ZNF618: variants seen among roughly 807,000 people sequenced by gnomAD.
ZNF618 encodes the protein neural precursor cell expressed, developmentally down-regulated 10.
A neutral mutation model predicts 103.0 loss-of-function variants in ZNF618; 34 were observed. The ratio of observed to expected loss-of-function variants is 0.33; its 90% CI spans 0.25 to 0.44. ZNF618 has a LOEUF of 0.44. Among genes scored for constraint, ZNF618 ranks in the 20% least tolerant of loss-of-function variants. The probability of loss-of-function intolerance (pLI) is 1.00; values close to 1 mark genes in which losing one functional copy is unlikely to be tolerated. For synonymous variants in ZNF618, 551 were observed against 542.2 expected, an observed-to-expected ratio of 1.02 and a Z score of -0.23; for missense variants, 1,059 against 1,295.4, an observed-to-expected ratio of 0.82 and a Z score of 2.80.
chr9:113,910,974 G>A (rs1588015328), intron 1 of ZNF618, among the ~76,000 whole-genome samples: 1 of 152,034 alleles, frequency 6.6e-6, no homozygotes, highest in Admixed American at 6.5e-5. Flanking sequence ...GGGATTACAG[G>A]TGCCTGCCAC....
rs897979044 is a variant in ZNF618 at position 113,876,328 on chromosome 9, C to T, written c.-53C>T. ...GGCGGCATTGTGCGCGCACCAGCAG[C>T]CCGGCCCGGGAGGAGCAGGACGCGC... On this transcript the variant is annotated 5_prime_UTR_variant, in exon 1 of 15. Transcript: ENST00000374126. 1 of 1,143,090 alleles carries T rather than the reference C, an allele frequency of 8.7e-7. No individual in the cohort carries two copies. The highest frequency in any genetic ancestry group is 1.7e-5 in the African/African-American group (1 of 60,430). 70.8% of individuals were successfully genotyped at this position (1,143,090 alleles called of 1,614,324 possible).
At chr9:113,966,563 C>T (rs1201968138) in intron 1 of ZNF618, among the ~76,000 whole-genome samples, 3 of 152,194 alleles carry the variant, frequency 2.0e-5, no homozygotes, top group Non-Finnish European at 4.4e-5. Flanking sequence ...ACCGGCCTGG[C>T]GTGTATGGAA....
At chr9:113,889,216 T>G (rs1829365051) in intron 1 of ZNF618, among the ~76,000 whole-genome samples, 1 of 152,158 alleles carries the variant, frequency 6.6e-6, no homozygotes, top group Non-Finnish European at 1.5e-5. Context: ...ATATGGTGGC[T>G]GAGGCAGAGT....
chr9:114,014,701 C>T (rs765893994), intron 9 of ZNF618, among the ~76,000 whole-genome samples: 82 of 152,284 alleles, frequency 5.4e-4, no homozygotes, highest in Non-Finnish European at 1.0e-3. Context: ...TTACAGCAAG[C>T]TTTCCCACAC....
At chr9:113,985,003 A>G (rs1044512396) in intron 2 of ZNF618, among the ~76,000 whole-genome samples, 12 of 152,172 alleles carry the variant, frequency 7.9e-5, no homozygotes, top group Non-Finnish European at 1.8e-4. Context: ...ATAAACTTGC[A>G]TCTTCTGCAC....
chr9:113,951,478 T>C (rs1358870151), intron 1 of ZNF618, among the ~76,000 whole-genome samples: 1 of 36,136 alleles, frequency 2.8e-5, no homozygotes. Flanking sequence ...TGTGTATGTG[T>C]ACACATATAT....
chr9:113,896,170 C>A (rs1308611878), intron 1 of ZNF618, among the ~76,000 whole-genome samples: 1 of 151,932 alleles, frequency 6.6e-6, no homozygotes, highest in Non-Finnish European at 1.5e-5. Flanking sequence ...TCAATTCTAA[C>A]TACTTCCAAG....
intron 1 of ZNF618, among the ~76,000 whole-genome samples, chr9:113,923,291 C>T (rs1832806415): frequency 6.6e-6 from 1 of 151,914 alleles, no homozygotes; most frequent in South Asian, 2.1e-4. Flanking sequence ...ATTTCCTTTT[C>T]TTGTCTTACT....
intron 1 of ZNF618, among the ~76,000 whole-genome samples, chr9:113,905,044 A>C (rs1036378841): frequency 6.6e-5 from 10 of 151,952 alleles, no homozygotes; most frequent in Admixed American, 2.0e-4. Flanking sequence ...TATTCTGCCT[A>C]TCACAGTCAT....
At chr9:113,905,616 G>A (rs1171811136) in intron 1 of ZNF618, among the ~76,000 whole-genome samples, 1 of 152,212 alleles carries the variant, frequency 6.6e-6, no homozygotes, top group Admixed American at 6.5e-5. Context: ...TTTGGCTATT[G>A]GGAGTGTGAA....
At chr9:113,906,433 G>A (rs1412295694) in intron 1 of ZNF618, among the ~76,000 whole-genome samples, 3 of 152,140 alleles carry the variant, frequency 2.0e-5, no homozygotes, top group African/African-American at 4.8e-5. Context: ...TTGTAGGGTC[G>A]TTTTAGTCAC....
At chr9:113,908,192 A>G (rs1465516839) in intron 1 of ZNF618, among the ~76,000 whole-genome samples, 2 of 152,178 alleles carry the variant, frequency 1.3e-5, no homozygotes, top group Admixed American at 6.5e-5. Flanking sequence ...AGCACATTTC[A>G]CTTGTTCGTA....
intron 1 of ZNF618, among the ~76,000 whole-genome samples, chr9:113,895,643 G>A (rs1564140482): frequency 6.6e-6 from 1 of 152,168 alleles, no homozygotes; most frequent in Non-Finnish European, 1.5e-5. Context: ...AGTGGTCGCT[G>A]AGATTGCTGT....
intron 6 of ZNF618, 147 bp from the exon 7 acceptor site, chr9:114,007,203 C>G: frequency 1.5e-6 from 1 of 675,782 alleles, no homozygotes. Context: ...TCAGTTTCCT[C>G]ATGTGTAAAA....
At chr9:113,876,450 G>C in intron 1 of ZNF618, 37 bp downstream of exon 1, 1 of 1,193,178 alleles carries the variant, frequency 8.4e-7, no homozygotes, top group Non-Finnish European at 1.0e-6. Flanking sequence ...CCGCGCGGGG[G>C]ACCCCGGGGG....
intron 1 of ZNF618, among the ~76,000 whole-genome samples, chr9:113,947,721 C>T (rs1006061576): frequency 1.3e-5 from 2 of 152,158 alleles, no homozygotes; most frequent in East Asian, 1.9e-4. Flanking sequence ...TGGAGGCTTC[C>T]GAGCTGGTTC....
chr9:114,041,629 G>A lies in ZNF618; in HGVS notation c.1246+5252G>A, dbSNP rs1188955219. On this transcript the variant is annotated intron_variant, in intron 13 of 14. Transcript: ENST00000374126. ...GTTTTTGTCAGGTTTGTCAAAGATC[G>A]GATGGTTGTAGATGTGTGGTATTAT... Among the ~76,000 whole-genome samples, 12 of 152,142 alleles carry A rather than the reference G, an allele frequency of 7.9e-5. No homozygotes were observed. The East Asian group carries it at 1.5e-3, about 20-fold the overall frequency.
In ZNF618 at chr9:113,945,086, C is replaced by A. The variant is rs578209244; in HGVS notation, c.34-24031C>A. Among the ~76,000 whole-genome samples, 8 of 152,264 alleles carry A rather than the reference C, an allele frequency of 5.3e-5. No individual in the cohort carries two copies. The East Asian group carries it at 1.5e-3, about 29-fold the overall frequency. ...TACCAGCCCAGTTCCCTTTCCAGCCCCATCCCCTGTCTCCCTACCTCACTC... is the reference window on the plus strand; with the variant it reads ...TACCAGCCCAGTTCCCTTTCCAGCCACATCCCCTGTCTCCCTACCTCACTC... On this transcript the variant is annotated intron_variant, in intron 1 of 14. Coordinates refer to ENST00000374126, the MANE Select transcript of ZNF618 (RefSeq NM_001318042.2).
intron 1 of ZNF618, among the ~76,000 whole-genome samples, chr9:113,920,877 CTAGTTG>C (rs1201127175): frequency 6.6e-6 from 1 of 152,192 alleles, no homozygotes; most frequent in African/African-American, 2.4e-5. Context: ...TGCCATGTGG[CTAGTTG>C]TAGTTTTGCT....
Sources: allele counts gnomAD v4.1 joint callset (sites outside exome capture counted in the v4.1 genomes callset), GRCh38; gene constraint gnomAD v4.1.1; transcripts MANE v1.5; gene names NCBI Gene and HGNC (gene_info 2026-07-23, HGNC 2026-07-21).